TMEM181: variants seen among roughly 807,000 people sequenced by gnomAD.
The protein encoded by TMEM181 is G protein-coupled receptor 178.
TMEM181 carries 39 observed loss-of-function variants against 71.9 expected under a neutral mutation model. The ratio of observed to expected loss-of-function variants is 0.54; its 90% CI spans 0.42 to 0.71. The LOEUF (loss-of-function observed/expected upper bound fraction) is 0.71, where lower values mean the gene tolerates loss of function less well. TMEM181 is among the 30% of genes least tolerant of loss of function. The pLI, the probability that TMEM181 is intolerant of heterozygous loss-of-function variation, is 0.00. For missense variants in TMEM181, 595 were observed against 583.0 expected (o/e 1.02, Z -0.21); for synonymous variants, 245 against 228.8 (o/e 1.07, Z -0.64).
intron 10 of TMEM181, chr6:158,609,671 TTC>T: frequency 4.4e-6 from 1 of 229,054 alleles, no homozygotes. Context: ...AGTTGCCCTT[TTC>T]TGGGAGACTC....
rs1782077421 is a variant in TMEM181 at position 158,560,240 on chromosome 6, CCCGGCCGA to C, written c.8+9_8+16del. 1.0e-6 allele frequency: 1 copy of C among 984,964 alleles called. No individual in the cohort carries two copies. Among genetic ancestry groups the C allele is most frequent in the Admixed American group, 6.2e-5 (1 of 16,238 alleles). 61.0% of individuals were successfully genotyped at this position (984,964 alleles called of 1,614,324 possible). ...GGGCGCCGAGATGGAGCCGTGAGTC[CCCGGCCGA>C]GCGGGCGGGCTGGCTGGCTCTCCGG... On this transcript the variant is annotated intron_variant, in intron 1 of 16. Coordinates refer to ENST00000684151, the MANE Select transcript of TMEM181 (RefSeq NM_001376852.1).
intron 6 of TMEM181, among the ~76,000 whole-genome samples, chr6:158,594,835 C>T (rs1025901508): frequency 4.6e-5 from 7 of 152,068 alleles, no homozygotes; most frequent in African/African-American, 1.7e-4. Flanking sequence ...TTACAGATGC[C>T]CATCACCATG....
chr6:158,562,479 G>GTGTGT (rs57486358), intron 1 of TMEM181, among the ~76,000 whole-genome samples: 4 of 73,478 alleles, frequency 5.4e-5, no homozygotes, highest in Admixed American at 3.6e-4. Context: ...TGTGTGTCTT[G>GTGTGT]CTTGGCACGT....
At chr6:158,622,101 C>T (rs1785996724) in intron 10 of TMEM181, among the ~76,000 whole-genome samples, 2 of 152,224 alleles carry the variant, frequency 1.3e-5, no homozygotes, top group Admixed American at 1.3e-4. Flanking sequence ...TTCTGCCCTG[C>T]CTGACCTCTG....
chr6:158,581,987 A>C (rs1783509987), intron 3 of TMEM181, among the ~76,000 whole-genome samples: 1 of 152,004 alleles, frequency 6.6e-6, no homozygotes. Context: ...TATGACCCCA[A>C]ATCCCCCTTC....
intron 6 of TMEM181, among the ~76,000 whole-genome samples, chr6:158,596,802 C>T (rs1784409564): frequency 6.6e-6 from 1 of 152,128 alleles, no homozygotes; most frequent in African/African-American, 2.4e-5. Context: ...AGTGGAAACC[C>T]TGATAAACCC....
chr6:158,561,155 A>G (rs1055391451), intron 1 of TMEM181, among the ~76,000 whole-genome samples: 1 of 152,068 alleles, frequency 6.6e-6, no homozygotes, highest in Admixed American at 6.6e-5. Context: ...TTTGCTTTGG[A>G]TCTTTGCTGA....
intron 13 of TMEM181, among the ~76,000 whole-genome samples, chr6:158,626,994 ACT>A (rs1325552467): frequency 2.5e-5 from 3 of 122,292 alleles, no homozygotes; most frequent in Admixed American, 8.8e-5. Flanking sequence ...ACACACCCTC[ACT>A]CTCAGCACAC....
At chr6:158,574,806 T>A (rs1783071919) in intron 2 of TMEM181, among the ~76,000 whole-genome samples, 1 of 152,176 alleles carries the variant, frequency 6.6e-6, no homozygotes, top group Non-Finnish European at 1.5e-5. Flanking sequence ...TATAAGGAAT[T>A]GGTACATGAT....
intron 10 of TMEM181, among the ~76,000 whole-genome samples, chr6:158,612,933 G>A (rs763118735): frequency 6.6e-6 from 1 of 152,174 alleles, no homozygotes; most frequent in African/African-American, 2.4e-5. Flanking sequence ...TTTAATATTT[G>A]GCTTAAAAGG....
intron 2 of TMEM181, among the ~76,000 whole-genome samples, chr6:158,573,765 G>A (rs966245459): frequency 5.3e-5 from 8 of 152,218 alleles, no homozygotes; most frequent in African/African-American, 9.7e-5. Flanking sequence ...GCAGCCAGGG[G>A]CAGCCTTGAC....
intron 3 of TMEM181, among the ~76,000 whole-genome samples, chr6:158,581,237 C>T (rs921192574): frequency 6.6e-6 from 1 of 152,200 alleles, no homozygotes; most frequent in African/African-American, 2.4e-5. Flanking sequence ...TCTTAGGGAG[C>T]AGTTGTTCAT....
At position 158,583,999 on chromosome 6, in the gene TMEM181, C is replaced by A. The variant is rs760324530; in HGVS notation, c.214C>A (p.Gln72Lys). ...ILSNPLSTYN[Q>K]QLWLTCVVEL... ...TTCAAATCCACTGTCTACATACAATCAGCAACTATGGCTGACATGTGTTGT... is the reference window on the plus strand; with the variant it reads ...TTCAAATCCACTGTCTACATACAATAAGCAACTATGGCTGACATGTGTTGT... The change falls in exon 4 of 17, where the codon CAG becomes AAG. Residue 72 changes from glutamine to lysine, a missense_variant. Gln to Lys is a moderately conservative substitution (Grantham distance 53, BLOSUM62 1). Coordinates refer to ENST00000684151, the MANE Select transcript of TMEM181 (RefSeq NM_001376852.1). 4 of 1,611,700 alleles carry A rather than the reference C, an allele frequency of 2.5e-6. No homozygotes were observed. In the Admixed American group the frequency reaches 6.7e-5, roughly 27 times the overall value.
chr6:158,537,780 C>T (rs1324989640), intron 1 of TMEM181, among the ~76,000 whole-genome samples: 1 of 152,188 alleles, frequency 6.6e-6, no homozygotes, highest in Non-Finnish European at 1.5e-5. Flanking sequence ...GGGTGTCGCA[C>T]TGCTATGGGG....
intron 1 of TMEM181, among the ~76,000 whole-genome samples, chr6:158,569,874 G>A (rs1042739310): frequency 3.9e-5 from 6 of 151,936 alleles, no homozygotes; most frequent in African/African-American, 1.5e-4. Context: ...CCCTTTCTGG[G>A]ATTGCAGGCG....
At chr6:158,610,970 A>T (rs1044739842) in intron 10 of TMEM181, 4 of 404,732 alleles carry the variant, frequency 9.9e-6, no homozygotes, top group African/African-American at 4.3e-5. Context: ...AGATCTCCAG[A>T]TCAGACCAGT....
intron 1 of TMEM181, among the ~76,000 whole-genome samples, chr6:158,541,065 G>A (rs1781322732): frequency 6.6e-6 from 1 of 152,188 alleles, no homozygotes; most frequent in Non-Finnish European, 1.5e-5. Context: ...GGATTCTAAT[G>A]TAATTGACCT....
chr6:158,597,835 A>C (rs1784463082), intron 6 of TMEM181, among the ~76,000 whole-genome samples: 1 of 152,120 alleles, frequency 6.6e-6, no homozygotes, highest in Non-Finnish European at 1.5e-5. Context: ...GTGCAAATCC[A>C]TTCATGGGGG....
intron 14 of TMEM181, among the ~76,000 whole-genome samples, chr6:158,629,224 A>C (rs1324355873): frequency 6.6e-6 from 1 of 152,218 alleles, no homozygotes; most frequent in Non-Finnish European, 1.5e-5. Context: ...TTAATGCATG[A>C]ATTAATATAC....
Sources: gnomAD v4.1 joint callset for allele counts (sites outside exome capture counted in the v4.1 genomes callset) on GRCh38, gnomAD v4.1.1 for gene constraint, MANE v1.5 for transcripts, NCBI Gene and HGNC (gene_info 2026-07-23, HGNC 2026-07-21) for gene names.